The following EEFSEC variants were observed in gnomAD, a reference collection of about 807,000 sequenced individuals.
The protein encoded by EEFSEC is selenocysteine-specific elongation factor.
In EEFSEC, 43 loss-of-function variants were observed where a neutral mutation model predicts 42.1. That is an observed-to-expected ratio of 1.02 (90% confidence interval 0.80 to 1.32). The LOEUF (loss-of-function observed/expected upper bound fraction) is 1.32, where lower values mean the gene tolerates loss of function less well. Among genes scored for constraint, EEFSEC ranks in the 40% most tolerant of loss-of-function variants. The probability of loss-of-function intolerance (pLI) is 0.00; values close to 1 mark genes in which losing one functional copy is unlikely to be tolerated. For missense variants in EEFSEC, 745 were observed against 803.6 expected (o/e 0.93, Z 0.88); for synonymous variants, 354 against 339.1 (o/e 1.04, Z -0.48).
chr3:128,248,021 G>A (rs2066145595), intron 2 of EEFSEC, among the ~76,000 whole-genome samples: 1 of 152,200 alleles, frequency 6.6e-6, no homozygotes, highest in African/African-American at 2.4e-5. Context: ...GAGGCACAGG[G>A]GGACTGTGAG....
At chr3:128,177,422 A>G (rs1236522437) in intron 1 of EEFSEC, among the ~76,000 whole-genome samples, 2 of 52,080 alleles carry the variant, frequency 3.8e-5, no homozygotes. Flanking sequence ...GCATCTCTGG[A>G]TTTTACTGTT....
intron 1 of EEFSEC, among the ~76,000 whole-genome samples, chr3:128,235,814 A>G (rs984058777): frequency 1.3e-5 from 2 of 152,124 alleles, no homozygotes; most frequent in African/African-American, 4.8e-5. Context: ...TATGTGCCCC[A>G]TGTGCACGTG....
intron 1 of EEFSEC, among the ~76,000 whole-genome samples, chr3:128,182,131 T>A (rs2065413207): frequency 6.6e-6 from 1 of 152,250 alleles, no homozygotes; most frequent in Non-Finnish European, 1.5e-5. Context: ...TTTTCTTTGA[T>A]GGGGCAAGGT....
chr3:128,203,129 A>C (rs1348414499), intron 1 of EEFSEC, among the ~76,000 whole-genome samples: 2 of 152,222 alleles, frequency 1.3e-5, no homozygotes, highest in Non-Finnish European at 2.9e-5. Context: ...TACAGATTGT[A>C]GATAGTATAA....
chr3:128,262,062 ATGGACGTGCTTTG>A (rs1384506832), intron 2 of EEFSEC, 53 bp from the exon 3 acceptor site: 1 of 1,501,490 alleles, frequency 6.7e-7, no homozygotes, highest in Non-Finnish European at 9.3e-7. Context: ...CAGGTGCTTC[ATGGACGTGCTTTG>A]TGTCCATGTT....
chr3:128,413,465 G>A (rs933345147), downstream of EEFSEC, among the ~76,000 whole-genome samples: 3 of 152,128 alleles, frequency 2.0e-5, no homozygotes, highest in Admixed American at 6.5e-5. Context: ...CTCCCACCTG[G>A]CAGTGTGGCC....
chr3:128,282,838 C>T (rs1285637301), intron 4 of EEFSEC, among the ~76,000 whole-genome samples: 3 of 152,240 alleles, frequency 2.0e-5, no homozygotes, highest in African/African-American at 7.2e-5. Context: ...GCTTCCTTCT[C>T]TGTGACTGAT....
intron 1 of EEFSEC, among the ~76,000 whole-genome samples, chr3:128,199,335 A>G (rs1425194986): frequency 2.0e-5 from 3 of 152,248 alleles, no homozygotes; most frequent in African/African-American, 7.2e-5. Flanking sequence ...GACTTTGTCC[A>G]CATATATGTA....
intron 1 of EEFSEC, among the ~76,000 whole-genome samples, chr3:128,169,389 T>C (rs995656353): frequency 6.6e-6 from 1 of 152,156 alleles, no homozygotes; most frequent in Non-Finnish European, 1.5e-5. Flanking sequence ...TTTGGACAGA[T>C]GCATATATCT....
chr3:128,371,702 G>A (rs80349131), intron 6 of EEFSEC, among the ~76,000 whole-genome samples: 2,829 of 152,336 alleles, frequency 0.019, 95 homozygotes, highest in African/African-American at 0.063. Context: ...TGAGGAGGGT[G>A]ATGTCCAGAA....
At chr3:128,240,192 CTGGGG>C (rs2066055705) in intron 1 of EEFSEC, among the ~76,000 whole-genome samples, 1 of 152,206 alleles carries the variant, frequency 6.6e-6, no homozygotes, top group South Asian at 2.1e-4. Context: ...TTGTGTTTGC[CTGGGG>C]TCTGCCTGGA....
intron 4 of EEFSEC, among the ~76,000 whole-genome samples, chr3:128,336,509 C>T (rs1344351484): frequency 6.6e-6 from 1 of 152,162 alleles, no homozygotes; most frequent in Non-Finnish European, 1.5e-5. Flanking sequence ...CCCATGTCTC[C>T]AACCTGCTGC....
At chr3:128,235,110 G>T (rs1339207846) in intron 1 of EEFSEC, among the ~76,000 whole-genome samples, 3 of 151,996 alleles carry the variant, frequency 2.0e-5, no homozygotes, top group Non-Finnish European at 4.4e-5. Context: ...TGTTGCCCAG[G>T]TTGGAGTGCA....
At chr3:128,418,384 C>A in the EEFSEC span, among the ~76,000 whole-genome samples, 1 of 146,984 alleles carries the variant, frequency 6.8e-6, no homozygotes, top group East Asian at 2.3e-4. Context: ...CTCCCAACAG[C>A]AGGCGGCTCT....
At chr3:128,199,908 A>G (rs1179763142) in intron 1 of EEFSEC, among the ~76,000 whole-genome samples, 3 of 151,888 alleles carry the variant, frequency 2.0e-5, no homozygotes, top group East Asian at 1.9e-4. Flanking sequence ...TAATTTTTAT[A>G]TTTTTAGTAG....
chr3:128,198,074 A>T (rs1452721835), intron 1 of EEFSEC, among the ~76,000 whole-genome samples: 1 of 152,132 alleles, frequency 6.6e-6, no homozygotes, highest in East Asian at 1.9e-4. Context: ...AGACTTTCTG[A>T]ATGTACTGTG....
intron 6 of EEFSEC, among the ~76,000 whole-genome samples, chr3:128,394,016 G>A (rs561411530): frequency 6.6e-6 from 1 of 152,186 alleles, no homozygotes. Context: ...GCGGTGGCGG[G>A]GGCGGGGGGT....
At chr3:128,336,336 G>A (rs1468868863) in intron 4 of EEFSEC, among the ~76,000 whole-genome samples, 1 of 152,082 alleles carries the variant, frequency 6.6e-6, no homozygotes, top group Non-Finnish European at 1.5e-5. Flanking sequence ...TAATTTCCAT[G>A]TTTCCTTTCT....
At position 128,400,369 on chromosome 3, in the gene EEFSEC, A is replaced by T. The variant is rs567606123; in HGVS notation, c.1601-7700A>T. On this transcript the variant is annotated intron_variant, in intron 6 of 6. Coordinates refer to ENST00000254730, the MANE Select transcript of EEFSEC (RefSeq NM_021937.5). Reference sequence around the variant, plus strand: ...GCCCCTCCTGTTCCTAGGGCCCAGTATCCAGTTCAGACTGGAGCCTGGCTG... The same window carrying T: ...GCCCCTCCTGTTCCTAGGGCCCAGTTTCCAGTTCAGACTGGAGCCTGGCTG... 2.6e-5 allele frequency among the ~76,000 whole-genome samples: 4 copies of T among 152,266 alleles called. No individual in the cohort carries two copies. In the East Asian group the frequency reaches 7.8e-4, roughly 30 times the overall value.
Sources: gnomAD v4.1 joint callset for allele counts (sites outside exome capture counted in the v4.1 genomes callset) on GRCh38, gnomAD v4.1.1 for gene constraint, MANE v1.5 for transcripts, NCBI Gene and HGNC (gene_info 2026-07-23, HGNC 2026-07-21) for gene names.